The following CAPN7 variants were observed in gnomAD, a reference collection of about 807,000 sequenced individuals.
CAPN7 encodes the protein calpain 7.
CAPN7 carries 72 observed loss-of-function variants against 115.2 expected under a neutral mutation model. The observed-to-expected ratio is 0.63, with a 90% CI of 0.52 to 0.76. The LOEUF (loss-of-function observed/expected upper bound fraction) is 0.76. Among genes scored for constraint, CAPN7 ranks in the 30% least tolerant of loss-of-function variants. The pLI is 0.00. For missense variants in CAPN7, 905 were observed against 971.5 expected (o/e 0.93, Z 0.91); for synonymous variants, 344 against 322.3 (o/e 1.07, Z -0.72).
chr3:15,224,916 T>C (rs1186835845), intron 6 of CAPN7, among the ~76,000 whole-genome samples: 2 of 152,190 alleles, frequency 1.3e-5, no homozygotes, highest in Admixed American at 6.5e-5. Context: ...TAGTAACTGA[T>C]TGGGACCAAA....
Position 15,223,544 on chromosome 3 carries a change from C to T in CAPN7, c.708C>T (p.Ala236=). The part of the protein sequence containing the change: ...FMNVDLRERF[A]YPMPFCDRWG... ...ATGTTGACCTGAGAGAACGTTTTGC[C>T]TATCCAATGCCTTTCTGGTAAGTAA... Residue 236 remains alanine (A), a synonymous_variant, in exon 6 of 21, where the codon GCC becomes GCT. Coordinates refer to ENST00000253693, the MANE Select transcript of CAPN7 (RefSeq NM_014296.3). 1.3e-6 allele frequency: 2 copies of T among 1,599,350 alleles called. No homozygotes were observed. Among genetic ancestry groups the T allele is most frequent in the East Asian group, 2.3e-5 (1 of 44,142 alleles).
Position 15,245,539 on chromosome 3 carries a change from A to G in CAPN7, c.1878A>G (p.Pro626=), listed in dbSNP as rs1279050165. The G allele has an allele frequency of 6.2e-7, 1 of 1,613,684 alleles. No individual in the cohort carries two copies. The highest frequency in any genetic ancestry group is 8.5e-7 in the Non-Finnish European group (1 of 1,179,818). ...KKVYYPADPP[P]YIDGIRINSP... The stretch of plus-strand genomic sequence containing the variant: ...GTTTGTTTGCAGCTGACCCACCTCC[A>G]TACATTGATGGAATTCGAATTAACA... Residue 626 remains proline, a synonymous_variant, in exon 17 of 21, where the codon CCA becomes CCG. Coordinates refer to ENST00000253693, the MANE Select transcript of CAPN7 (RefSeq NM_014296.3).
At chr3:15,240,432 T>A in intron 12 of CAPN7, 41 bp from the exon 13 acceptor site, 1 of 1,583,410 alleles carries the variant, frequency 6.3e-7, no homozygotes, top group Non-Finnish European at 8.6e-7. Flanking sequence ...GTAAAAACTG[T>A]TTTACAACTT....
intron 17 of CAPN7, chr3:15,246,409 C>T (rs1418379153): frequency 1.5e-5 from 4 of 265,404 alleles, no homozygotes; most frequent in Non-Finnish European, 2.8e-5. Context: ...TTTGTTTGCT[C>T]TAGATAAGCG....
At chr3:15,223,120 A>C (rs1694100489) in intron 5 of CAPN7, among the ~76,000 whole-genome samples, 1 of 152,134 alleles carries the variant, frequency 6.6e-6, no homozygotes, top group Non-Finnish European at 1.5e-5. Context: ...CAGAATTGTT[A>C]ATGTGTTTTT....
chr3:15,232,728 T>A (rs1694765539), intron 10 of CAPN7, 63 bp downstream of exon 10: 3 of 1,402,684 alleles, frequency 2.1e-6, no homozygotes, highest in African/African-American at 1.5e-5. Flanking sequence ...TGTTTTAAAT[T>A]TGAAAAATTC....
At chr3:15,242,038 T>C in intron 15 of CAPN7, 140 bp from the exon 16 acceptor site, 4 of 649,972 alleles carry the variant, frequency 6.2e-6, no homozygotes. Flanking sequence ...CTTATAGCAC[T>C]AAATAGCTGA....
At position 15,206,298 on chromosome 3, in the gene CAPN7, C is replaced by G. The variant is rs1026296155; in HGVS notation, c.-198C>G. On this transcript the variant is annotated 5_prime_UTR_variant, in exon 1 of 21. Transcript: ENST00000253693. ...CGGCCGGGTGGGCTACAAGCCGGGT[C>G]TGGGCTGAGGGGCGCGGCTTCGCGG... 17 of 504,284 alleles carry G rather than the reference C, an allele frequency of 3.4e-5. No individual in the cohort carries two copies. The highest frequency in any genetic ancestry group is 4.9e-5 in the Non-Finnish European group (14 of 287,444). 31.2% of individuals were successfully genotyped at this position (504,284 alleles called of 1,614,324 possible). A position where few individuals can be genotyped will look rare whatever the true frequency, so the allele number is the denominator to read the frequency against.
At position 15,245,514 on chromosome 3, in the gene CAPN7, G is replaced by A. The variant is rs184666946; in HGVS notation, c.1865-12G>A. On this transcript the variant is annotated splice_polypyrimidine_tract_variant and intron_variant, in intron 16 of 20. Coordinates refer to ENST00000253693, the MANE Select transcript of CAPN7 (RefSeq NM_014296.3). ...AGTCTCCTTTTCTCTAAGCCTACTT[G>A]TTTGTTTGCAGCTGACCCACCTCCA... 6.2e-7 allele frequency: 1 copy of A among 1,605,790 alleles called. No homozygotes were observed. Among genetic ancestry groups the A allele is most frequent in the African/African-American group, 1.3e-5 (1 of 74,544 alleles).
chr3:15,227,806 A>AT (rs1399053264), intron 6 of CAPN7, 33 bp from the exon 7 acceptor site: 8 of 1,349,218 alleles, frequency 5.9e-6, no homozygotes, highest in East Asian at 2.7e-5. Context: ...TTTAAGATTA[A>AT]TTTTTTTATT....
chr3:15,241,440 C>G lies in CAPN7; in HGVS notation c.1653-13C>G. The G allele has an allele frequency of 6.2e-7, 1 of 1,610,302 alleles. No homozygotes were observed. Among genetic ancestry groups the G allele is most frequent in the Non-Finnish European group, 8.5e-7 (1 of 1,177,994 alleles). On this transcript the variant is annotated splice_polypyrimidine_tract_variant and intron_variant, in intron 14 of 20. Transcript: ENST00000253693. ...ATTTAATTACAACCTTCTTTGTTGA[C>G]TTTATCTTTTAGTACTTGGGATGCT...
chr3:15,250,963 T>A lies in CAPN7; in HGVS notation c.2237T>A (p.Val746Asp). The A allele has an allele frequency of 6.2e-7, 1 of 1,613,382 alleles. No homozygotes were observed. The highest frequency in any genetic ancestry group is 8.5e-7 in the Non-Finnish European group (1 of 1,179,384). Residue 746 changes from valine to aspartate, a missense_variant, in exon 20 of 21, where the codon GTT (valine) becomes GAT (aspartate). By Grantham distance (152) the Val-to-Asp change is radical. Around this residue, in one of 3 missense-constraint regions of CAPN7, gnomAD observed 620 missense variants for 703.4 expected, o/e 0.88. Transcript: ENST00000253693. ...QYSVGFEVVT[V>D]STLGDPGPHG... ...AGCGTTGGATTTGAGGTTGTAACAGTTTCTACTCTAGGAGATCCTGGTCCC... is the reference window on the plus strand; with the variant it reads ...AGCGTTGGATTTGAGGTTGTAACAGATTCTACTCTAGGAGATCCTGGTCCC...
intron 6 of CAPN7, 28 bp downstream of exon 6, chr3:15,223,589 C>G (rs747743157): frequency 2.3e-6 from 3 of 1,316,844 alleles, no homozygotes; most frequent in Non-Finnish European, 1.1e-6. Flanking sequence ...CAATTTTTAA[C>G]TCCAATATTT....
chr3:15,227,859 C>T lies in CAPN7; in HGVS notation c.746C>T (p.Pro249Leu). 2 of 1,533,864 alleles carry T rather than the reference C, an allele frequency of 1.3e-6. No individual in the cohort carries two copies. Among genetic ancestry groups the T allele is most frequent in the Non-Finnish European group, 8.8e-7 (1 of 1,138,708 alleles). ...MPFCDRWGKL[P>L]LSPKQKTTFS... ...CTCAGTGATAGATGGGGCAAGCTAC[C>T]ATTATCACCTAAACAAAAAACTACA... The change falls in exon 7 of 21, where the codon CCA becomes CTA. Residue 249 changes from proline (P) to leucine (L), a missense_variant. Pro to Leu is a moderately conservative substitution (Grantham distance 98, BLOSUM62 -3). Transcript: ENST00000253693.
chr3:15,245,884 T>C, intron 17 of CAPN7: 1 of 467,900 alleles, frequency 2.1e-6, no homozygotes, highest in Non-Finnish European at 3.7e-6. Context: ...GCATTTTTAT[T>C]TTCATAGTAA....
chr3:15,221,372 T>TTA (rs1406783375), intron 5 of CAPN7, among the ~76,000 whole-genome samples: 33 of 141,012 alleles, frequency 2.3e-4, no homozygotes, highest in Admixed American at 4.1e-4. Context: ...TTTTTTTTTT[T>TTA]AGTAGAGACA....
chr3:15,246,656 T>C lies in CAPN7; in HGVS notation c.2011-76T>C, dbSNP rs186202259. 14 of 1,061,608 alleles carry C rather than the reference T, an allele frequency of 1.3e-5. No homozygotes were observed. In the Admixed American group the frequency reaches 2.2e-4, roughly 17 times the overall value. 65.8% of individuals were successfully genotyped at this position (1,061,608 alleles called of 1,614,324 possible). A position where few individuals can be genotyped will look rare whatever the true frequency, so the allele number is the denominator to read the frequency against. On this transcript the variant is annotated intron_variant, in intron 17 of 20. Coordinates refer to ENST00000253693, the MANE Select transcript of CAPN7 (RefSeq NM_014296.3). ...TGTATGCCAACTGATTTTTTTAGTC[T>C]TCCAATATATTCATGTATCACTTTG...
At chr3:15,240,981 G>C (rs1695309650) in intron 14 of CAPN7, 128 bp downstream of exon 14, 1 of 581,950 alleles carries the variant, frequency 1.7e-6, no homozygotes, top group Admixed American at 3.2e-5. Context: ...GAGGTGGGTG[G>C]ATCAGTTGAC....
At chr3:15,217,273 T>C (rs1300263155) in intron 2 of CAPN7, 152 bp from the exon 3 acceptor site, 1 of 630,498 alleles carries the variant, frequency 1.6e-6, no homozygotes, top group Non-Finnish European at 2.4e-6. Flanking sequence ...GGGAGGAAAT[T>C]TGTCCTTTTT....
Sources: gnomAD v4.1 joint callset for allele counts (sites outside exome capture counted in the v4.1 genomes callset) on GRCh38, gnomAD v4.1.1 for gene constraint, gnomAD v4.1.1 regional missense constraint, MANE v1.5 for transcripts, NCBI Gene and HGNC (gene_info 2026-07-23, HGNC 2026-07-21) for gene names.